ABCC8: variants seen among roughly 807,000 people sequenced by gnomAD.
ABCC8 encodes the protein ATP binding cassette subfamily C member 8.
Under a neutral mutation model 188.0 loss-of-function variants are expected in ABCC8, and 137 were observed. The observed-to-expected ratio is 0.73, with a 90% confidence interval of 0.63 to 0.84. ABCC8 has a LOEUF of 0.84. Ranked by LOEUF, ABCC8 falls within the 40% of genes least tolerant of loss-of-function variation. ABCC8 has a pLI of 0.00. For missense variants in ABCC8, 1,750 were observed against 2,072.7 expected (o/e 0.84, Z 3.02); for synonymous variants, 797 against 846.5 (o/e 0.94, Z 1.01).
At chr11:17,439,287 C>T (rs773141167) in intron 10 of ABCC8, among the ~76,000 whole-genome samples, 49 of 152,054 alleles carry the variant, frequency 3.2e-4, no homozygotes, top group South Asian at 6.2e-4. Context: ...CAGCTACTCT[C>T]AGTGATATTG....
intron 36 of ABCC8, 63 bp from the exon 37 acceptor site, chr11:17,394,462 T>A: frequency 6.2e-7 from 1 of 1,612,014 alleles, no homozygotes; most frequent in Non-Finnish European, 8.5e-7. Flanking sequence ...GTGGAGCAGA[T>A]GGGATGGCTT....
chr11:17,419,335 G>A (rs1955228473), intron 16 of ABCC8, among the ~76,000 whole-genome samples: 1 of 152,164 alleles, frequency 6.6e-6, no homozygotes, highest in African/African-American at 2.4e-5. Context: ...AGCCCACTAG[G>A]AGCTGGCATA....
At chr11:17,463,278 A>T (rs1024829965) in intron 4 of ABCC8, among the ~76,000 whole-genome samples, 160 bp downstream of exon 4, 10 of 152,110 alleles carry the variant, frequency 6.6e-5, no homozygotes, top group African/African-American at 2.4e-4. Flanking sequence ...GTCTATCCTG[A>T]AATTTCCGCC....
At chr11:17,475,708 T>C (rs1236701843) in intron 1 of ABCC8, among the ~76,000 whole-genome samples, 1 of 152,264 alleles carries the variant, frequency 6.6e-6, no homozygotes, top group African/African-American at 2.4e-5. Context: ...GCAACTCTGC[T>C]TCTGCAGCAA....
Position 17,432,209 on chromosome 11 carries a change from G to A in ABCC8, c.1666C>T (p.Leu556Phe), listed in dbSNP as rs1362268812. 3.9e-6 allele frequency: 6 copies of A among 1,552,868 alleles called. No homozygotes were observed. Among genetic ancestry groups the A allele is most frequent in the Non-Finnish European group, 5.2e-6 (6 of 1,147,540 alleles). Residue 556 changes from leucine (L) to phenylalanine (F), a missense_variant, in exon 11 of 39, where the codon CTC becomes TTC. By Grantham distance (22) the Leu-to-Phe change is conservative (BLOSUM62 0). Coordinates refer to ENST00000389817, the MANE Select transcript of ABCC8 (RefSeq NM_000352.6). ...MNTAIPIAAV[L>F]ITFVGHVSFF... ...TGGAGAAAGGATCCACTTACTATGA[G>A]GACAGCTGCAATGGGGATGGCCGTG... is the stretch of plus-strand genomic sequence containing the variant.
chr11:17,467,081 CACACAA>C (rs1244227643), intron 3 of ABCC8, among the ~76,000 whole-genome samples: 1 of 151,574 alleles, frequency 6.6e-6, no homozygotes, highest in Non-Finnish European at 1.5e-5. Context: ...CACACACACA[CACACAA>C]CTTCCCATTG....
At chr11:17,465,990 A>T (rs1012624053) in intron 3 of ABCC8, among the ~76,000 whole-genome samples, 3 of 152,242 alleles carry the variant, frequency 2.0e-5, no homozygotes, top group Admixed American at 1.3e-4. Context: ...TAGATAAACA[A>T]AATGTGGCAT....
Position 17,428,280 on chromosome 11 carries a change from A to G in ABCC8, c.2040+9T>C, listed in dbSNP as rs1955679971. On this transcript the variant is annotated intron_variant, in intron 14 of 38. Coordinates refer to ENST00000389817, the MANE Select transcript of ABCC8 (RefSeq NM_000352.6). ...GCTGGGTGGCCAGGCATGGGGCAGC[A>G]GGACTCACCTGGACACAGCAGTTGT... 2 of 1,614,108 alleles carry G rather than the reference A, an allele frequency of 1.2e-6. No individual in the cohort carries two copies. The highest frequency in any genetic ancestry group is 1.7e-6 in the Non-Finnish European group (2 of 1,180,048).
chr11:17,393,684 A>G lies in ABCC8; in HGVS notation c.4608+13T>C. 2 of 1,614,182 alleles carry G rather than the reference A, an allele frequency of 1.2e-6. No individual in the cohort carries two copies. Among genetic ancestry groups the G allele is most frequent in the Non-Finnish European group, 1.7e-6 (2 of 1,179,994 alleles). On this transcript the variant is annotated intron_variant, in intron 38 of 38. Transcript: ENST00000389817. Reference sequence around the variant, plus strand: ...CTGGGTGTCCCTCTGCACCCCATCAATGGGCCCCTTACCGCGATGGTGACC... The same window carrying G: ...CTGGGTGTCCCTCTGCACCCCATCAGTGGGCCCCTTACCGCGATGGTGACC...
rs12288315 is a variant in ABCC8, at chr11:17,396,662, G to C, written c.4119+254C>G. 52,679 of 533,776 alleles carry C rather than the reference G, an allele frequency of 0.099. 3,139 individuals carry two copies. The highest frequency in any genetic ancestry group is 0.12 in the Non-Finnish European group (36,305 of 297,270). The allele number at this position is 533,776 out of a possible 1,614,324, so 33.1% of individuals were successfully genotyped here. On this transcript the variant is annotated intron_variant, in intron 33 of 38. Coordinates refer to ENST00000389817, the MANE Select transcript of ABCC8 (RefSeq NM_000352.6). Reference sequence around the variant, plus strand: ...GCCCTGACAAAGCCCGTGTGAGCTGGGGGAGTCCAGAGTGTCGGTCTCCTT... The same window carrying C: ...GCCCTGACAAAGCCCGTGTGAGCTGCGGGAGTCCAGAGTGTCGGTCTCCTT...
intron 16 of ABCC8, among the ~76,000 whole-genome samples, chr11:17,417,701 C>G (rs1955150010): frequency 6.6e-6 from 1 of 152,104 alleles, no homozygotes; most frequent in African/African-American, 2.4e-5. Flanking sequence ...ATAATACTAA[C>G]AACAGCTAAA....
intron 10 of ABCC8, among the ~76,000 whole-genome samples, chr11:17,439,264 G>A (rs1336782015): frequency 2.6e-5 from 4 of 152,036 alleles, no homozygotes; most frequent in Non-Finnish European, 5.9e-5. Flanking sequence ...GTACCAGTTC[G>A]GGACTCCATA....
In ABCC8 at chr11:17,448,509, C is replaced by G. The variant is rs1380934116; in HGVS notation, c.1332+7G>C. ...CCCCCCTCCCTTCCCCTCAGCCCAT[C>G]TAGTACCTGTACTGGCATAGCCCAG... On this transcript the variant is annotated splice_region_variant and intron_variant, in intron 8 of 38. Transcript: ENST00000389817. The G allele has an allele frequency of 2.5e-6, 4 of 1,613,778 alleles. No individual in the cohort carries two copies. In the African/African-American group the frequency reaches 4.0e-5, roughly 16 times the overall value.
chr11:17,451,153 T>C (rs896126099), intron 7 of ABCC8, among the ~76,000 whole-genome samples: 1 of 152,230 alleles, frequency 6.6e-6, no homozygotes, highest in African/African-American at 2.4e-5. Context: ...ATGTAATTTA[T>C]GACATACACA....
At chr11:17,466,313 C>A (rs1464144040) in intron 3 of ABCC8, among the ~76,000 whole-genome samples, 1 of 150,034 alleles carries the variant, frequency 6.7e-6, no homozygotes, top group Non-Finnish European at 1.5e-5. Flanking sequence ...GCAGGAGAAT[C>A]GCTTGAACCA....
chr11:17,453,435 CA>C, intron 6 of ABCC8, 152 bp from the exon 7 acceptor site: 1 of 1,055,450 alleles, frequency 9.5e-7, no homozygotes, highest in South Asian at 1.4e-5. Context: ...AGTGAAAAAT[CA>C]GACTGATAAA....
rs1294629913 is a variant in ABCC8, at chr11:17,442,902, A to G, written c.1468-20T>C. Reference sequence around the variant, plus strand: ...ATACTCCTGCAGGGGTCCCCGAGTCAGAGGGGAGAGGCTTCTGCTCCGTCT... The same window carrying G: ...ATACTCCTGCAGGGGTCCCCGAGTCGGAGGGGAGAGGCTTCTGCTCCGTCT... On this transcript the variant is annotated intron_variant, in intron 9 of 38. Transcript: ENST00000389817. 6.2e-7 allele frequency: 1 copy of G among 1,608,828 alleles called. No individual in the cohort carries two copies. The highest frequency in any genetic ancestry group is 1.3e-5 in the African/African-American group (1 of 74,864).
At chr11:17,440,326 G>T (rs1564942968) in intron 10 of ABCC8, among the ~76,000 whole-genome samples, 1 of 152,158 alleles carries the variant, frequency 6.6e-6, no homozygotes, top group Non-Finnish European at 1.5e-5. Flanking sequence ...GTACAAAACT[G>T]GGGGGCTATA....
intron 16 of ABCC8, among the ~76,000 whole-genome samples, chr11:17,424,892 G>T (rs942417808): frequency 2.6e-5 from 4 of 152,148 alleles, no homozygotes; most frequent in Non-Finnish European, 5.9e-5. Context: ...TGTGAAATGG[G>T]GTAACAACAC....
Sources: allele counts gnomAD v4.1 joint callset (sites outside exome capture counted in the v4.1 genomes callset), GRCh38; gene constraint gnomAD v4.1.1; transcripts MANE v1.5; gene names NCBI Gene and HGNC (gene_info 2026-07-23, HGNC 2026-07-21).